TCF7L1: variants seen among roughly 807,000 people sequenced by gnomAD.
TCF7L1 encodes the protein transcription factor 7-like 1.
A neutral mutation model predicts 63.7 loss-of-function variants in TCF7L1; 18 were observed. The ratio of observed to expected loss-of-function variants is 0.28; its 90% CI spans 0.20 to 0.42. TCF7L1 has a LOEUF of 0.42. Among genes scored for constraint, TCF7L1 ranks in the 10% least tolerant of loss-of-function variants. TCF7L1 has a pLI of 1.00. For synonymous variants in TCF7L1, 355 were observed against 340.9 expected, an observed-to-expected ratio of 1.04 and a Z score of -0.46; for missense variants, 654 against 779.3, an observed-to-expected ratio of 0.84 and a Z score of 1.91.
chr2:85,199,154 A>G (rs1679221510), intron 3 of TCF7L1, among the ~76,000 whole-genome samples: 1 of 152,170 alleles, frequency 6.6e-6, no homozygotes, highest in South Asian at 2.1e-4. Flanking sequence ...AATGTCCATG[A>G]TGGTTCAGGC....
chr2:85,206,468 T>C (rs1370608885), intron 3 of TCF7L1, among the ~76,000 whole-genome samples: 1 of 152,244 alleles, frequency 6.6e-6, no homozygotes, highest in African/African-American at 2.4e-5. Context: ...TGCCACTAAT[T>C]CATTGACTGC....
At chr2:85,255,078 T>C (rs183128424) in intron 3 of TCF7L1, among the ~76,000 whole-genome samples, 1 of 152,270 alleles carries the variant, frequency 6.6e-6, no homozygotes, top group African/African-American at 2.4e-5. Flanking sequence ...CTTCTGATGA[T>C]GCGCCCAGTC....
intron 3 of TCF7L1, among the ~76,000 whole-genome samples, chr2:85,141,439 C>A (rs986849623): frequency 1.3e-5 from 2 of 152,194 alleles, no homozygotes; most frequent in Admixed American, 1.3e-4. Context: ...GTGCCTCCCC[C>A]TCAGCTGGAA....
rs201698429 is a variant in TCF7L1, at chr2:85,134,281, C to A, written c.314-42C>A. 8 of 1,545,928 alleles carry A rather than the reference C, an allele frequency of 5.2e-6. No individual in the cohort carries two copies. Among genetic ancestry groups the A allele is most frequent in the Non-Finnish European group, 7.0e-6 (8 of 1,144,512 alleles). On this transcript the variant is annotated intron_variant, in intron 2 of 11. Coordinates refer to ENST00000282111, the MANE Select transcript of TCF7L1 (RefSeq NM_031283.3). This position sits in a 1 kb window ranked among gnomAD's most constrained non-coding sequence, Gnocchi z 5.0. Reference sequence around the variant, plus strand: ...AGCCCCCTGCCGCGGCGCTGTCAGTCCCGGGGGCCTGGGCCTCACCTCGCC... The same window carrying A: ...AGCCCCCTGCCGCGGCGCTGTCAGTACCGGGGGCCTGGGCCTCACCTCGCC...
chr2:85,228,729 C>A (rs1342258225), intron 3 of TCF7L1, among the ~76,000 whole-genome samples: 2 of 151,874 alleles, frequency 1.3e-5, no homozygotes, highest in Non-Finnish European at 1.5e-5. Context: ...GAAATTTGAA[C>A]CTTAGGCTGG....
At chr2:85,180,224 TTTTG>T (rs1374178314) in intron 3 of TCF7L1, among the ~76,000 whole-genome samples, 8 of 150,012 alleles carry the variant, frequency 5.3e-5, no homozygotes, top group Non-Finnish European at 1.0e-4. Flanking sequence ...TTTTTTTTGT[TTTTG>T]TTTTTGTTTT....
rs1021215402 is a variant in TCF7L1, at chr2:85,309,877, A to G, written c.*415A>G. ...GTGACATTTCCTGTTACCCAGCCCA[A>G]GTTTTCATCGTCTGCTCAATACCGT... On this transcript the variant is annotated 3_prime_UTR_variant, in exon 12 of 12. Transcript: ENST00000282111. The G allele has an allele frequency of 3.5e-5, 6 of 170,740 alleles. No individual in the cohort carries two copies. Among genetic ancestry groups the G allele is most frequent in the Non-Finnish European group, 5.0e-5 (4 of 80,194 alleles). 10.6% of individuals were successfully genotyped at this position (170,740 alleles called of 1,614,324 possible).
intron 3 of TCF7L1, among the ~76,000 whole-genome samples, chr2:85,221,080 T>C (rs984641700): frequency 6.6e-6 from 1 of 152,200 alleles, no homozygotes; most frequent in African/African-American, 2.4e-5. Context: ...TCGGAAGGAC[T>C]CAGCAGCCAA....
chr2:85,242,258 G>A (rs1375806557), intron 3 of TCF7L1, among the ~76,000 whole-genome samples: 3 of 152,170 alleles, frequency 2.0e-5, no homozygotes, highest in Non-Finnish European at 4.4e-5. Flanking sequence ...TCACTTGGCT[G>A]CCTCTGGGCT....
chr2:85,134,846 C>T lies in TCF7L1; in HGVS notation c.441+396C>T, dbSNP rs1295257598. 1.3e-5 allele frequency among the ~76,000 whole-genome samples: 2 copies of T among 152,120 alleles called. No homozygotes were observed. The highest frequency in any genetic ancestry group is 4.8e-5 in the African/African-American group (2 of 41,434). ...AGGGAGCTGGGTTGGCGACGTTGTCCTCCGACTCCGGGTTCACTGGGCGGC... is the reference window on the plus strand; with the variant it reads ...AGGGAGCTGGGTTGGCGACGTTGTCTTCCGACTCCGGGTTCACTGGGCGGC... On this transcript the variant is annotated intron_variant, in intron 3 of 11. Coordinates refer to ENST00000282111, the MANE Select transcript of TCF7L1 (RefSeq NM_031283.3). This position sits in a 1 kb window ranked among gnomAD's most constrained non-coding sequence, Gnocchi z 5.0.
rs554134698 is a variant in TCF7L1 at position 85,194,789 on chromosome 2, C to G, written c.441+60339C>G. Among the ~76,000 whole-genome samples, 6 of 152,254 alleles carry G rather than the reference C, an allele frequency of 3.9e-5. No homozygotes were observed. The East Asian group carries it at 1.2e-3, about 29-fold the overall frequency. ...TGGCATGAGATTCAGAGCAGAATCCCCCTCAAGTTCTTGGATGGTGGCAGC... is the reference window on the plus strand; with the variant it reads ...TGGCATGAGATTCAGAGCAGAATCCGCCTCAAGTTCTTGGATGGTGGCAGC... On this transcript the variant is annotated intron_variant, in intron 3 of 11. Transcript: ENST00000282111.
chr2:85,274,486 G>A (rs1423461444), intron 3 of TCF7L1, among the ~76,000 whole-genome samples: 3 of 152,018 alleles, frequency 2.0e-5, no homozygotes, highest in East Asian at 3.9e-4. Context: ...GCAGGCCCAC[G>A]TCAGCTGAGA....
chr2:85,136,420 C>G (rs1036133047), intron 3 of TCF7L1, among the ~76,000 whole-genome samples: 6 of 152,168 alleles, frequency 3.9e-5, no homozygotes, highest in Non-Finnish European at 7.3e-5. Context: ...TTCCTGATTA[C>G]TAAATCCAGG....
chr2:85,161,041 T>A (rs1678273708), intron 3 of TCF7L1, among the ~76,000 whole-genome samples: 2 of 152,194 alleles, frequency 1.3e-5, no homozygotes, highest in African/African-American at 4.8e-5. Context: ...GTGGGCCGAC[T>A]TCTGGGAATA....
At chr2:85,240,136 GC>G (rs1680290754) in intron 3 of TCF7L1, among the ~76,000 whole-genome samples, 1 of 152,176 alleles carries the variant, frequency 6.6e-6, no homozygotes, top group African/African-American at 2.4e-5. Context: ...GTTTCCTGTG[GC>G]CTGCATGCCA....
chr2:85,168,302 C>T (rs542342047), intron 3 of TCF7L1, among the ~76,000 whole-genome samples: 1 of 152,086 alleles, frequency 6.6e-6, no homozygotes, highest in South Asian at 2.1e-4. Context: ...GATGTATGCA[C>T]GTGTTCAAAC....
At chr2:85,139,306 C>T (rs1677665133) in intron 3 of TCF7L1, among the ~76,000 whole-genome samples, 1 of 152,216 alleles carries the variant, frequency 6.6e-6, no homozygotes, top group Admixed American at 6.5e-5. Context: ...TGCGCCCAGC[C>T]TAGATTTGCA....
At chr2:85,198,637 G>A (rs996165803) in intron 3 of TCF7L1, among the ~76,000 whole-genome samples, 1 of 152,154 alleles carries the variant, frequency 6.6e-6, no homozygotes, top group Non-Finnish European at 1.5e-5. Flanking sequence ...GCAGCTTTGG[G>A]GAAAGTAATA....
intron 3 of TCF7L1, among the ~76,000 whole-genome samples, chr2:85,281,020 CTTTTTTT>C (rs56111730): frequency 1.1e-4 from 12 of 105,616 alleles, no homozygotes; most frequent in South Asian, 1.0e-3. Flanking sequence ...CCATTAGCTC[CTTTTTTT>C]TTTTTTTTTT....
Sources: allele counts gnomAD v4.1 joint callset (sites outside exome capture counted in the v4.1 genomes callset), GRCh38; gene constraint gnomAD v4.1.1; non-coding constraint Gnocchi (gnomAD v3.1); transcripts MANE v1.5; gene names NCBI Gene and HGNC (gene_info 2026-07-23, HGNC 2026-07-21).